The following ANO4 variants were observed in gnomAD, a reference collection of about 807,000 sequenced individuals.
The protein encoded by ANO4 is anoctamin 4.
In ANO4, 69 loss-of-function variants were observed where a neutral mutation model predicts 141.9. The observed-to-expected ratio is 0.49, with a 90% CI of 0.40 to 0.59. The LOEUF (loss-of-function observed/expected upper bound fraction) is 0.59, where lower values mean the gene tolerates loss of function less well. ANO4 is among the 20% of genes least tolerant of loss of function. The pLI, the probability that ANO4 is intolerant of heterozygous loss-of-function variation, is 0.00. For synonymous variants in ANO4, 350 were observed against 394.3 expected, an observed-to-expected ratio of 0.89 and a Z score of 1.33; for missense variants, 894 against 1,162.2, an observed-to-expected ratio of 0.77 and a Z score of 3.36.
chr12:101,073,664 T>C (rs1593196147), intron 14 of ANO4, among the ~76,000 whole-genome samples: 2 of 151,678 alleles, frequency 1.3e-5, no homozygotes, highest in Admixed American at 1.3e-4. Flanking sequence ...TGATGGGCCT[T>C]ATGAGACACC....
rs57077967 is a variant in ANO4, at chr12:100,904,634, G to A, written c.55+2794G>A. On this transcript the variant is annotated intron_variant, in intron 2 of 27. Coordinates refer to ENST00000392977, the MANE Select transcript of ANO4 (RefSeq NM_001286615.2). ...CTCAACTTGGAGTGGAGTGAGTGAG[G>A]TGGGGAATCAACTCAGTGAGGTTGT... Among the ~76,000 whole-genome samples, 162 of 152,252 alleles carry A rather than the reference G, an allele frequency of 1.1e-3. 3 individuals carry two copies. The East Asian group carries it at 0.017, about 16-fold the overall frequency.
intron 1 of ANO4, among the ~76,000 whole-genome samples, chr12:100,899,709 GA>G (rs753515562): frequency 1.3e-5 from 2 of 152,330 alleles, no homozygotes; most frequent in Middle Eastern, 3.4e-3. Flanking sequence ...CATGACCTAT[GA>G]TTGGTGATTT....
Position 100,901,842 on chromosome 12 carries a change from T to A in ANO4, c.55+2T>A, listed in dbSNP as rs1317068203. ...GAAAAACCAAAGTCTTCCACCCAGG[T>A]GATGCATGGGGAAGTTCAACGGGGA... On this transcript the variant is annotated splice_donor_variant, in intron 2 of 27. Coordinates refer to ENST00000392977, the MANE Select transcript of ANO4 (RefSeq NM_001286615.2). LOFTEE classifies it high-confidence loss of function. The A allele has an allele frequency of 6.2e-7, 1 of 1,602,370 alleles. No individual in the cohort carries two copies. The highest frequency in any genetic ancestry group is 8.5e-7 in the Non-Finnish European group (1 of 1,174,428).
intron 4 of ANO4, among the ~76,000 whole-genome samples, chr12:100,941,786 C>T (rs923983792): frequency 1.3e-5 from 2 of 151,946 alleles, no homozygotes; most frequent in Non-Finnish European, 2.9e-5. Flanking sequence ...TCACTCTCAT[C>T]TCACCTGCAG....
intron 1 of ANO4, among the ~76,000 whole-genome samples, chr12:100,826,733 C>G (rs2036365129): frequency 6.6e-6 from 1 of 151,842 alleles, no homozygotes; most frequent in South Asian, 2.1e-4. Context: ...CCAAACTTAA[C>G]CTGGCTAAAA....
intron 7 of ANO4, among the ~76,000 whole-genome samples, chr12:100,977,100 C>T (rs573123922): frequency 2.6e-5 from 4 of 152,128 alleles, no homozygotes; most frequent in South Asian, 2.1e-4. Flanking sequence ...GGTTTAGTGC[C>T]TAGTATGTAG....
At chr12:100,982,115 T>C (rs1327258365) in intron 7 of ANO4, among the ~76,000 whole-genome samples, 1 of 152,232 alleles carries the variant, frequency 6.6e-6, no homozygotes, top group Non-Finnish European at 1.5e-5. Context: ...ACTCACATTG[T>C]AGTCCAGATA....
At chr12:101,094,342 T>A in intron 18 of ANO4, 50 bp downstream of exon 18, 1 of 1,466,066 alleles carries the variant, frequency 6.8e-7, no homozygotes, top group Non-Finnish European at 9.4e-7. Flanking sequence ...GGCTAGAGAG[T>A]ATGGTTCAAA....
At chr12:100,727,619 A>G (rs1334332074) in intron 1 of ANO4, among the ~76,000 whole-genome samples, 1 of 152,114 alleles carries the variant, frequency 6.6e-6, no homozygotes. Flanking sequence ...GTTTTTAGAA[A>G]TCCATCTCAT....
rs553515440 is a variant in ANO4, at chr12:100,724,533, G to A, written c.22+6986G>A. On this transcript the variant is annotated intron_variant, in intron 1 of 29. Transcript: ENST00000644049. ...AGTGGCACATAATAAATGAAAAAAC[G>A]TTATGAAAACAGCAATACTGTCTTT... Among the ~76,000 whole-genome samples the A allele has an allele frequency of 9.9e-5, 15 of 152,244 alleles. No individual in the cohort carries two copies. In the South Asian group the frequency reaches 2.5e-3, roughly 25 times the overall value.
chr12:100,796,253 G>A (rs948516098), intron 1 of ANO4, among the ~76,000 whole-genome samples: 2 of 152,150 alleles, frequency 1.3e-5, no homozygotes, highest in African/African-American at 4.8e-5. Flanking sequence ...ATAAGGTACT[G>A]AACTAATACA....
At chr12:100,810,904 G>T (rs2035388240) in intron 1 of ANO4, among the ~76,000 whole-genome samples, 1 of 152,070 alleles carries the variant, frequency 6.6e-6, no homozygotes, top group Admixed American at 6.6e-5. Context: ...GAGCCACACT[G>T]GATTGTGTGA....
intron 10 of ANO4, among the ~76,000 whole-genome samples, chr12:101,038,259 CA>C (rs921800979): frequency 2.6e-5 from 4 of 152,116 alleles, no homozygotes; most frequent in African/African-American, 9.7e-5. Context: ...TACTGTTCCC[CA>C]AAACATCATG....
Position 101,033,482 on chromosome 12 carries a change from A to AAT in ANO4, c.842-3612_842-3611insTA, listed in dbSNP as rs1566153246. ...TAAAGTATAATAATAATAATAATAA[A>AAT]AATTAACTCAAGATGGATTAAAGAC... is the stretch of plus-strand genomic sequence containing the variant. On this transcript the variant is annotated intron_variant, in intron 9 of 27. Transcript: ENST00000392977. Among the ~76,000 whole-genome samples the AAT allele has an allele frequency of 1.4e-3, 215 of 152,114 alleles. 1 individual carries two copies. The highest frequency in any genetic ancestry group is 4.8e-3 in the African/African-American group (198 of 41,490).
intron 8 of ANO4, among the ~76,000 whole-genome samples, chr12:100,996,356 A>G (rs2045369006): frequency 6.6e-6 from 1 of 152,182 alleles, no homozygotes; most frequent in African/African-American, 2.4e-5. Context: ...AACAATGGAA[A>G]TGTTGGTGCT....
intron 22 of ANO4, among the ~76,000 whole-genome samples, chr12:101,106,336 T>A (rs912120585): frequency 6.6e-6 from 1 of 151,964 alleles, no homozygotes; most frequent in African/African-American, 2.4e-5. Flanking sequence ...GAAGATGTAA[T>A]GTCTGAGAAA....
intron 1 of ANO4, among the ~76,000 whole-genome samples, chr12:100,823,322 A>T (rs1307082019): frequency 6.6e-6 from 1 of 152,064 alleles, no homozygotes; most frequent in African/African-American, 2.4e-5. Context: ...GAAGAAAAGG[A>T]TTATCACAAG....
chr12:101,093,547 G>T (rs1566238629), intron 17 of ANO4, among the ~76,000 whole-genome samples: 6 of 152,076 alleles, frequency 3.9e-5, no homozygotes. Flanking sequence ...AACAGCACTT[G>T]ATGTTTCAAT....
Position 100,803,438 on chromosome 12 carries a change from T to C in ANO4, c.-141+8411T>C, listed in dbSNP as rs182298435. 2.8e-3 allele frequency among the ~76,000 whole-genome samples: 430 copies of C among 152,322 alleles called. 5 individuals are homozygous for C. The highest frequency in any genetic ancestry group is 9.6e-3 in the African/African-American group (398 of 41,564). On this transcript the variant is annotated intron_variant, in intron 1 of 27. Coordinates refer to ENST00000392977, the MANE Select transcript of ANO4 (RefSeq NM_001286615.2). ...AATATAGAACATCTGAGTGAGCTGG[T>C]TAGTGGAAATGGTGCCTCGAGATAA...
Sources: gnomAD v4.1 joint callset for allele counts (sites outside exome capture counted in the v4.1 genomes callset) on GRCh38, gnomAD v4.1.1 for gene constraint, MANE v1.5 for transcripts, NCBI Gene and HGNC (gene_info 2026-07-23, HGNC 2026-07-21) for gene names.